Variants in UHRF1 observed in about 807,000 individuals in gnomAD.
UHRF1 encodes E3 ubiquitin-protein ligase UHRF1.
In UHRF1, 9 loss-of-function variants were observed where a neutral mutation model predicts 96.5. That is an observed-to-expected ratio of 0.09 (90% CI 0.06 to 0.16). The LOEUF (loss-of-function observed/expected upper bound fraction) is 0.16. Among genes scored for constraint, UHRF1 ranks in the 10% least tolerant of loss-of-function variants. The probability of loss-of-function intolerance (pLI) is 1.00; values close to 1 mark genes in which losing one functional copy is unlikely to be tolerated. For synonymous variants in UHRF1, 455 were observed against 469.9 expected, an observed-to-expected ratio of 0.97 and a Z score of 0.41; for missense variants, 626 against 1,131.1, an observed-to-expected ratio of 0.55 and a Z score of 6.40.
chr19:4,955,435 C>T (rs988358204), intron 15 of UHRF1, among the ~76,000 whole-genome samples: 2 of 152,138 alleles, frequency 1.3e-5, no homozygotes, highest in Non-Finnish European at 2.9e-5. Context: ...CTCGGGGTGA[C>T]ATCAGGCCCC....
chr19:4,952,685 AT>A lies in UHRF1; in HGVS notation c.1819-1651del, dbSNP rs797011376. Among the ~76,000 whole-genome samples the A allele has an allele frequency of 4.1e-3, 590 of 143,340 alleles. 1 individual carries two copies. Among genetic ancestry groups the A allele is most frequent in the African/African-American group, 6.5e-3 (256 of 39,336 alleles). 94.0% of individuals were successfully genotyped at this position (143,340 alleles called of 152,430 possible). A position where few individuals can be genotyped will look rare whatever the true frequency, so the allele number is the denominator to read the frequency against. ...GTGTGAGCCGCTGACCCTGGCCAGG[AT>A]TTTTTTTTTTTTTATGACTCTCATC... On this transcript the variant is annotated intron_variant, in intron 13 of 16. Coordinates refer to ENST00000650932, the MANE Select transcript of UHRF1 (RefSeq NM_001048201.3).
chr19:4,939,960 C>T (rs972567114), intron 5 of UHRF1, among the ~76,000 whole-genome samples: 41 of 148,854 alleles, frequency 2.8e-4, no homozygotes, highest in African/African-American at 9.7e-4. Context: ...GGAGGTGGAG[C>T]TTGCAGTGAG....
At chr19:4,925,771 G>A (rs895316370) in intron 2 of UHRF1, among the ~76,000 whole-genome samples, 1 of 151,962 alleles carries the variant, frequency 6.6e-6, no homozygotes, top group Non-Finnish European at 1.5e-5. Context: ...ATCTGCCCTC[G>A]TTGGCCTCCC....
upstream of UHRF1, among the ~76,000 whole-genome samples, chr19:4,908,045 T>G (rs879660178): frequency 1.3e-5 from 2 of 152,190 alleles, no homozygotes; most frequent in Admixed American, 1.3e-4. Context: ...TGCTTCCACT[T>G]TCCCATCTCC....
intron 5 of UHRF1, 103 bp downstream of exon 5, chr19:4,933,059 G>C (rs529126223): frequency 3.8e-6 from 5 of 1,302,604 alleles, no homozygotes; most frequent in Non-Finnish European, 5.2e-6. Context: ...GTGTGTGCGA[G>C]GCCCTTAGCC....
intron 1 of UHRF1, among the ~76,000 whole-genome samples, chr19:4,903,803 G>A (rs1192731703): frequency 1.3e-5 from 2 of 151,904 alleles, no homozygotes; most frequent in Non-Finnish European, 2.9e-5. Flanking sequence ...GTGCCCAGGT[G>A]CATACACACT....
At chr19:4,904,919 C>A (rs2032034288), upstream of UHRF1, among the ~76,000 whole-genome samples, 1 of 152,048 alleles carries the variant, frequency 6.6e-6, no homozygotes, top group South Asian at 2.1e-4. Flanking sequence ...ATAGGAGGGG[C>A]TAGGAAGTAC....
intron 2 of UHRF1, among the ~76,000 whole-genome samples, chr19:4,924,735 G>A (rs1214837816): frequency 6.6e-6 from 1 of 151,904 alleles, no homozygotes; most frequent in Non-Finnish European, 1.5e-5. Flanking sequence ...CGGTGCATCG[G>A]TTACAGTTGA....
At chr19:4,922,223 A>G (rs940616348) in intron 2 of UHRF1, among the ~76,000 whole-genome samples, 14 of 151,824 alleles carry the variant, frequency 9.2e-5, no homozygotes, top group African/African-American at 3.1e-4. Flanking sequence ...CTGGGATTAC[A>G]GGTGTGAGCC....
intron 2 of UHRF1, among the ~76,000 whole-genome samples, chr19:4,915,004 C>T (rs565398640): frequency 1.2e-4 from 18 of 152,338 alleles, no homozygotes; most frequent in South Asian, 8.3e-4. Context: ...CTGCAGGGTG[C>T]GGAGCAGCGT....
intron 3 of UHRF1, 62 bp downstream of exon 3, chr19:4,929,538 CA>C (rs2146328726): frequency 1.3e-6 from 2 of 1,563,092 alleles, no homozygotes; most frequent in Non-Finnish European, 1.7e-6. Flanking sequence ...CTGGTCTTTG[CA>C]TACCCAGGGC....
At chr19:4,906,211 G>T (rs569092332), upstream of UHRF1, among the ~76,000 whole-genome samples, 2 of 152,150 alleles carry the variant, frequency 1.3e-5, no homozygotes, top group Non-Finnish European at 2.9e-5. Context: ...ACTCCCGGGC[G>T]CAAGAGATCA....
At chr19:4,940,347 G>A (rs896826174) in intron 5 of UHRF1, among the ~76,000 whole-genome samples, 16 of 139,492 alleles carry the variant, frequency 1.1e-4, no homozygotes, top group South Asian at 7.1e-4. Context: ...TGGATCAAGC[G>A]TTGCCTTTAT....
intron 2 of UHRF1, among the ~76,000 whole-genome samples, chr19:4,919,997 A>G (rs925429613): frequency 2.0e-5 from 3 of 151,860 alleles, no homozygotes; most frequent in African/African-American, 7.3e-5. Flanking sequence ...TTGTATTTTT[A>G]GTAGAGACGG....
intron 5 of UHRF1, among the ~76,000 whole-genome samples, chr19:4,935,516 C>A (rs1464864991): frequency 3.3e-5 from 5 of 151,980 alleles, no homozygotes; most frequent in Non-Finnish European, 7.4e-5. Context: ...ATATAATCCA[C>A]TACTTTGCGG....
At chr19:4,916,983 C>A (rs1023281854) in intron 2 of UHRF1, among the ~76,000 whole-genome samples, 1 of 151,486 alleles carries the variant, frequency 6.6e-6, no homozygotes, top group Non-Finnish European at 1.5e-5. Flanking sequence ...GTGGCATTAT[C>A]TGCCCTGCTG....
intron 2 of UHRF1, among the ~76,000 whole-genome samples, chr19:4,913,863 G>C (rs920007348): frequency 2.1e-5 from 3 of 142,768 alleles, no homozygotes; most frequent in Admixed American, 7.2e-5. Flanking sequence ...CCAAGGTGGA[G>C]TGCAATTGCG....
chr19:4,905,186 G>A (rs1256825484), upstream of UHRF1, among the ~76,000 whole-genome samples: 5 of 140,312 alleles, frequency 3.6e-5, no homozygotes, highest in Middle Eastern at 3.8e-3. Flanking sequence ...GTGTGATCTC[G>A]GCTCACTGCA....
rs184048471 is a variant in UHRF1 at position 4,930,211 on chromosome 19, G to A, written c.409-505G>A. On this transcript the variant is annotated intron_variant, in intron 3 of 16. Transcript: ENST00000650932. The surrounding 1 kb of genome is among the most constrained non-coding windows in gnomAD (Gnocchi z 4.4). Reference sequence around the variant, plus strand: ...GCTAGTCTTGAACTCCTGGCCTCAAGTGATCTTCCCGCCGCAGCCTCCCAA... The same window carrying A: ...GCTAGTCTTGAACTCCTGGCCTCAAATGATCTTCCCGCCGCAGCCTCCCAA... Among the ~76,000 whole-genome samples, 6 of 152,212 alleles carry A rather than the reference G, an allele frequency of 3.9e-5. No individual in the cohort carries two copies. Among genetic ancestry groups the A allele is most frequent in the African/African-American group, 1.4e-4 (6 of 41,446 alleles).
Sources: gnomAD v4.1 joint callset for allele counts (sites outside exome capture counted in the v4.1 genomes callset) on GRCh38, gnomAD v4.1.1 for gene constraint, Gnocchi (gnomAD v3.1) non-coding constraint, MANE v1.5 for transcripts, NCBI Gene and HGNC (gene_info 2026-07-23, HGNC 2026-07-21) for gene names.